ENOX1: variants seen among roughly 807,000 people sequenced by gnomAD.
The protein encoded by ENOX1 is candidate growth-related and time keeping constitutive hydroquinone (NADH) oxidase.
In ENOX1, 42 loss-of-function variants were observed where a neutral mutation model predicts 82.5. The ratio of observed to expected loss-of-function variants is 0.51; its 90% CI spans 0.40 to 0.66. The LOEUF (loss-of-function observed/expected upper bound fraction) is 0.66, where lower values mean the gene tolerates loss of function less well. ENOX1 is among the 30% of genes least tolerant of loss of function. The pLI, the probability that ENOX1 is intolerant of heterozygous loss-of-function variation, is 0.00. For synonymous variants in ENOX1, 271 were observed against 282.2 expected (o/e 0.96, Z 0.40); for missense variants, 608 against 811.6 (o/e 0.75, Z 3.05).
rs961469734 is a variant in ENOX1, at chr13:43,591,666, G to C, written c.-219+75813C>G. ...TTCTTTTATATGTATGTAATGTTTT[G>C]TTAAAAGTATTAAAATTCTAAAAAG... On this transcript the variant is annotated intron_variant, in intron 2 of 16. Transcript: ENST00000690772. Among the ~76,000 whole-genome samples the C allele has an allele frequency of 5.2e-4, 79 of 151,882 alleles. 1 individual carries two copies. The highest frequency in any genetic ancestry group is 1.8e-3 in the African/African-American group (75 of 41,244).
chr13:43,415,220 T>A (rs1332359485), intron 3 of ENOX1, among the ~76,000 whole-genome samples: 13 of 135,006 alleles, frequency 9.6e-5, no homozygotes, highest in African/African-American at 3.2e-4. Context: ...CTCTTCAGTC[T>A]CCCAATCCAA....
intron 1 of ENOX1, among the ~76,000 whole-genome samples, chr13:43,698,745 T>C (rs764120062): frequency 6.6e-6 from 1 of 152,172 alleles, no homozygotes; most frequent in African/African-American, 2.4e-5. Flanking sequence ...AAATAGCACA[T>C]GTCAAGTCTC....
At chr13:43,494,968 G>C (rs989244543) in intron 2 of ENOX1, among the ~76,000 whole-genome samples, 1 of 152,124 alleles carries the variant, frequency 6.6e-6, no homozygotes, top group Non-Finnish European at 1.5e-5. Context: ...GTGTGGGGGA[G>C]ACTGTAAGAA....
intron 2 of ENOX1, among the ~76,000 whole-genome samples, chr13:43,590,031 T>C (rs1037221107): frequency 1.3e-5 from 2 of 152,232 alleles, no homozygotes; most frequent in African/African-American, 4.8e-5. Context: ...GCTACAAATT[T>C]GCTTGATGGC....
At chr13:43,365,348 G>T (rs1232832145) in intron 5 of ENOX1, among the ~76,000 whole-genome samples, 1 of 152,214 alleles carries the variant, frequency 6.6e-6, no homozygotes, top group Non-Finnish European at 1.5e-5. Context: ...GGTCTGGAAG[G>T]AAGAACATAG....
chr13:43,610,978 A>G (rs1260990264), intron 2 of ENOX1, among the ~76,000 whole-genome samples: 2 of 152,168 alleles, frequency 1.3e-5, no homozygotes, highest in Non-Finnish European at 2.9e-5. Flanking sequence ...CAAAATATTC[A>G]ATAGAGAGAG....
In ENOX1 at chr13:43,230,954, G is replaced by T. The variant is rs12585644; in HGVS notation, c.1714+5682C>A. Among the ~76,000 whole-genome samples, 1,163 of 152,278 alleles carry T rather than the reference G, an allele frequency of 7.6e-3. 17 individuals carry two copies. The highest frequency in any genetic ancestry group is 0.058 in the East Asian group (302 of 5,182). ...ACTCCCCACTACCCCCAGGCTGCTT[G>T]GAGTTTTCATTCCAAACTCTCTGTG... On this transcript the variant is annotated intron_variant, in intron 15 of 16. Coordinates refer to ENST00000690772, the MANE Select transcript of ENOX1 (RefSeq NM_001347969.2).
At chr13:43,381,884 G>T (rs1242690001) in intron 5 of ENOX1, among the ~76,000 whole-genome samples, 1 of 151,910 alleles carries the variant, frequency 6.6e-6, no homozygotes, top group Non-Finnish European at 1.5e-5. Flanking sequence ...TTCCCACAAG[G>T]AAACTTCATG....
intron 3 of ENOX1, among the ~76,000 whole-genome samples, chr13:43,445,418 C>A (rs141709928): frequency 6.6e-6 from 1 of 151,488 alleles, no homozygotes; most frequent in Admixed American, 6.6e-5. Context: ...CCACTGCCCC[C>A]GGCCCACTTT....
At position 43,308,969 on chromosome 13, in the gene ENOX1, C is replaced by A. The variant is rs141496874; in HGVS notation, c.1262-10439G>T. 1.2e-3 allele frequency among the ~76,000 whole-genome samples: 187 copies of A among 151,762 alleles called. 1 individual carries two copies. The highest frequency in any genetic ancestry group is 3.6e-3 in the African/African-American group (148 of 41,350). On this transcript the variant is annotated intron_variant, in intron 11 of 16. Transcript: ENST00000690772. ...AAGGGATATTATTTGCCAAGCCATGCCAGAAATAAAACCAAGGTACTTCAA... is the reference window on the plus strand; with the variant it reads ...AAGGGATATTATTTGCCAAGCCATGACAGAAATAAAACCAAGGTACTTCAA...
intron 2 of ENOX1, among the ~76,000 whole-genome samples, chr13:43,659,635 C>T (rs1477124401): frequency 1.3e-5 from 2 of 152,048 alleles, no homozygotes; most frequent in Non-Finnish European, 2.9e-5. Flanking sequence ...TATTTAAGGG[C>T]CGAGCACTAG....
intron 2 of ENOX1, among the ~76,000 whole-genome samples, chr13:43,608,326 T>G (rs140539882): frequency 2.2e-4 from 34 of 152,296 alleles, no homozygotes; most frequent in South Asian, 1.7e-3. Flanking sequence ...CACATATATT[T>G]TAACTATTAT....
chr13:43,433,996 C>T (rs1307776961), intron 3 of ENOX1, among the ~76,000 whole-genome samples: 1 of 152,226 alleles, frequency 6.6e-6, no homozygotes, highest in African/African-American at 2.4e-5. Flanking sequence ...ACAGAAGTGG[C>T]CAAGGAAACC....
chr13:43,467,550 T>C (rs1434400580), intron 3 of ENOX1, among the ~76,000 whole-genome samples: 1 of 148,578 alleles, frequency 6.7e-6, no homozygotes, highest in Non-Finnish European at 1.5e-5. Context: ...TCTTTATATA[T>C]CTGGTATACT....
chr13:43,756,265 T>C (rs1158714686), intron 1 of ENOX1, among the ~76,000 whole-genome samples: 2 of 151,506 alleles, frequency 1.3e-5, no homozygotes, highest in Non-Finnish European at 2.9e-5. Flanking sequence ...CATCTCTACA[T>C]GATATATAGA....
At chr13:43,247,854 TATATATATATATATA>T (rs2043184601) in intron 14 of ENOX1, among the ~76,000 whole-genome samples, 15 of 4,668 alleles carry the variant, frequency 3.2e-3, no homozygotes, top group East Asian at 0.024. Context: ...TATATATATA[TATATATATATATATA>T]TATATATATA....
chr13:43,403,088 A>G (rs1314641457), intron 5 of ENOX1, among the ~76,000 whole-genome samples: 1 of 152,138 alleles, frequency 6.6e-6, no homozygotes, highest in East Asian at 1.9e-4. Flanking sequence ...GCATGCAATT[A>G]TTTAAAAATA....
intron 3 of ENOX1, among the ~76,000 whole-genome samples, chr13:43,442,384 G>C (rs2056409452): frequency 6.6e-6 from 1 of 152,140 alleles, no homozygotes; most frequent in South Asian, 2.1e-4. Context: ...CCAGAGCCAA[G>C]AATATTATTT....
chr13:43,723,315 C>T (rs916141772), intron 1 of ENOX1, among the ~76,000 whole-genome samples: 10 of 152,116 alleles, frequency 6.6e-5, no homozygotes, highest in African/African-American at 2.4e-4. Context: ...CTCACTTCCC[C>T]ACCACTTAAG....
Sources: gnomAD v4.1 joint callset for allele counts (sites outside exome capture counted in the v4.1 genomes callset) on GRCh38, gnomAD v4.1.1 for gene constraint, MANE v1.5 for transcripts, NCBI Gene and HGNC (gene_info 2026-07-23, HGNC 2026-07-21) for gene names.